The following MSRB3 variants were observed in gnomAD, a reference collection of about 807,000 sequenced individuals.
The protein encoded by MSRB3 is methionine-R-sulfoxide reductase B3.
A neutral mutation model predicts 21.0 loss-of-function variants in MSRB3; 13 were observed. The ratio of observed to expected loss-of-function variants is 0.62; its 90% confidence interval spans 0.40 to 0.98. The LOEUF is 0.98. Among genes scored for constraint, MSRB3 ranks in the 50% least tolerant of loss-of-function variants. MSRB3 has a pLI of 0.00. For synonymous variants in MSRB3, 87 were observed against 88.6 expected, an observed-to-expected ratio of 0.98 and a Z score of 0.10; for missense variants, 199 against 230.3, an observed-to-expected ratio of 0.86 and a Z score of 0.88.
chr12:65,319,895 C>G (rs1874549475), intron 2 of MSRB3, among the ~76,000 whole-genome samples: 1 of 152,088 alleles, frequency 6.6e-6, no homozygotes, highest in South Asian at 2.1e-4. Flanking sequence ...GATGTGTAGC[C>G]TTGGAAGGAA....
intron 5 of MSRB3, 70 bp downstream of exon 5, chr12:65,369,096 A>C: frequency 1.7e-6 from 2 of 1,160,556 alleles, no homozygotes; most frequent in South Asian, 1.3e-5. Flanking sequence ...GTAAATCATC[A>C]GATCAAGAAC....
intron 5 of MSRB3, among the ~76,000 whole-genome samples, chr12:65,444,110 C>T (rs904913338): frequency 1.3e-5 from 2 of 151,970 alleles, no homozygotes; most frequent in African/African-American, 4.8e-5. Context: ...AAACATTAAT[C>T]AAAAATTACC....
At chr12:65,346,346 C>A (rs1478868747) in intron 4 of MSRB3, among the ~76,000 whole-genome samples, 2 of 152,172 alleles carry the variant, frequency 1.3e-5, no homozygotes, top group Non-Finnish European at 2.9e-5. Flanking sequence ...TGATGGTGAG[C>A]ATTTTTTCAT....
At chr12:65,340,932 T>C (rs988688848) in intron 4 of MSRB3, among the ~76,000 whole-genome samples, 1 of 152,034 alleles carries the variant, frequency 6.6e-6, no homozygotes. Context: ...AATTGAGTTA[T>C]CACAAAAATA....
chr12:65,419,340 C>G lies in MSRB3; in HGVS notation c.293-34388C>G, dbSNP rs796436455. 15 of 758,272 alleles carry G rather than the reference C, an allele frequency of 2.0e-5. No homozygotes were observed. The African/African-American group carries it at 2.4e-4, about 12-fold the overall frequency. The allele number at this position is 758,272 out of a possible 1,614,324, so 47.0% of individuals were successfully genotyped here. ...CCAAGATCAAACCAGAGCTGACAAT[C>G]TGGGCTTGTAGGCCTTTTACTTCCT... is the stretch of plus-strand genomic sequence containing the variant. On this transcript the variant is annotated intron_variant, in intron 5 of 6. Transcript: ENST00000308259.
At chr12:65,327,588 G>A (rs1185346507) in intron 3 of MSRB3, among the ~76,000 whole-genome samples, 2 of 152,188 alleles carry the variant, frequency 1.3e-5, no homozygotes, top group Non-Finnish European at 2.9e-5. Flanking sequence ...GCCAAGGTCC[G>A]ACGACTTTGT....
chr12:65,444,167 A>C (rs567084282), intron 5 of MSRB3, among the ~76,000 whole-genome samples: 109 of 152,282 alleles, frequency 7.2e-4, no homozygotes, highest in Non-Finnish European at 1.3e-3. Context: ...TTGGAAAGAA[A>C]GTACTACTGG....
chr12:65,347,697 A>G (rs1220488302), intron 4 of MSRB3, among the ~76,000 whole-genome samples: 1 of 152,206 alleles, frequency 6.6e-6, no homozygotes, highest in Admixed American at 6.5e-5. Context: ...GTTTTTGCCC[A>G]TTCAGTATGA....
At chr12:65,319,100 A>G (rs1874498740) in intron 2 of MSRB3, among the ~76,000 whole-genome samples, 1 of 152,172 alleles carries the variant, frequency 6.6e-6, no homozygotes, top group Admixed American at 6.5e-5. Context: ...ATAACCTTTC[A>G]GTACTGTGAA....
At chr12:65,401,478 C>T (rs1489859229) in intron 5 of MSRB3, among the ~76,000 whole-genome samples, 1 of 152,160 alleles carries the variant, frequency 6.6e-6, no homozygotes, top group African/African-American at 2.4e-5. Context: ...CTTCCTCCAT[C>T]CTTTTATTTT....
chr12:65,420,006 G>T, intron 5 of MSRB3: 1 of 562,240 alleles, frequency 1.8e-6, no homozygotes, highest in Non-Finnish European at 3.6e-6. Flanking sequence ...ACAAGGTGGA[G>T]CGAGTGGTGA....
rs184450077 is a variant in MSRB3 at position 65,419,285 on chromosome 12, C to T, written c.293-34443C>T. 1.3e-5 allele frequency: 10 copies of T among 744,214 alleles called. No homozygotes were observed. The African/African-American group carries it at 1.4e-4, about 10-fold the overall frequency. The allele number at this position is 744,214 out of a possible 1,614,324, so 46.1% of individuals were successfully genotyped here. A position where few individuals can be genotyped will look rare whatever the true frequency, so the allele number is the denominator to read the frequency against. On this transcript the variant is annotated intron_variant, in intron 5 of 6. Coordinates refer to ENST00000308259, the MANE Select transcript of MSRB3 (RefSeq NM_001031679.3). Reference sequence around the variant, plus strand: ...GCCCAGATGTCTGCCATGATCTTGGCAAGGTCCTGAGATTTGGGGGCATCT... The same window carrying T: ...GCCCAGATGTCTGCCATGATCTTGGTAAGGTCCTGAGATTTGGGGGCATCT...
chr12:65,350,850 C>T (rs1447195333), intron 4 of MSRB3, among the ~76,000 whole-genome samples: 6 of 146,068 alleles, frequency 4.1e-5, no homozygotes, highest in Non-Finnish European at 8.9e-5. Flanking sequence ...TAGACTCCCA[C>T]ACATTAATAA....
At chr12:65,410,844 A>G (rs999031332) in intron 5 of MSRB3, among the ~76,000 whole-genome samples, 1 of 152,208 alleles carries the variant, frequency 6.6e-6, no homozygotes, top group African/African-American at 2.4e-5. Context: ...TACTGTTTGT[A>G]TATTTTTAAA....
chr12:65,449,814 A>G (rs1235341863), intron 5 of MSRB3, among the ~76,000 whole-genome samples: 7 of 152,202 alleles, frequency 4.6e-5, no homozygotes, highest in Non-Finnish European at 1.0e-4. Context: ...TAAGAATAGG[A>G]CAATGAGGGC....
chr12:65,407,403 G>A (rs542099840), intron 5 of MSRB3, among the ~76,000 whole-genome samples: 6 of 151,714 alleles, frequency 4.0e-5, no homozygotes, highest in South Asian at 4.2e-4. Context: ...TGGTTTTTGA[G>A]GAGAAGTCTG....
intron 5 of MSRB3, among the ~76,000 whole-genome samples, chr12:65,453,267 C>A (rs947017053): frequency 5.3e-5 from 8 of 152,086 alleles, no homozygotes; most frequent in Non-Finnish European, 1.2e-4. Context: ...TTTTAACTAT[C>A]CAAACTAGGT....
rs1877935433 is a variant in MSRB3, at chr12:65,365,103, T to C, written c.264-3895T>C. On this transcript the variant is annotated intron_variant, in intron 4 of 6. Transcript: ENST00000308259. ...TTTTTTTTTGTATCTCAGAATTAGG[T>C]ATTCTATAGACATTTTGATCATTTA... Among the ~76,000 whole-genome samples the C allele has an allele frequency of 2.6e-5, 4 of 151,530 alleles. No homozygotes were observed. The South Asian group carries it at 8.3e-4, about 31-fold the overall frequency.
At chr12:65,400,236 C>CTT (rs560495606) in intron 5 of MSRB3, among the ~76,000 whole-genome samples, 4 of 132,052 alleles carry the variant, frequency 3.0e-5, no homozygotes, top group Non-Finnish European at 4.9e-5. Context: ...TGGTCCTGGG[C>CTT]TTTTTTTTTT....
Sources: gnomAD v4.1 joint callset for allele counts (sites outside exome capture counted in the v4.1 genomes callset) on GRCh38, gnomAD v4.1.1 for gene constraint, MANE v1.5 for transcripts, NCBI Gene and HGNC (gene_info 2026-07-23, HGNC 2026-07-21) for gene names.